Variants in RIT2 observed in about 807,000 individuals in gnomAD.
The protein encoded by RIT2 is GTP-binding protein Rit2.
In RIT2, 24 loss-of-function variants were observed where a neutral mutation model predicts 23.7. That is an observed-to-expected ratio of 1.01 (90% CI 0.73 to 1.43). The LOEUF is 1.43. Among genes scored for constraint, RIT2 ranks in the 40% most tolerant of loss-of-function variants. The pLI is 0.00. For missense variants in RIT2, 236 were observed against 266.9 expected, an observed-to-expected ratio of 0.88 and a Z score of 0.81; for synonymous variants, 107 against 91.1, an observed-to-expected ratio of 1.17 and a Z score of -0.99.
intron 4 of RIT2, among the ~76,000 whole-genome samples, chr18:42,767,829 A>T (rs1363485836): frequency 6.6e-6 from 1 of 152,084 alleles, no homozygotes; most frequent in South Asian, 2.1e-4. Flanking sequence ...GTCTCATAAG[A>T]TCTGATGGGT....
intron 1 of RIT2, among the ~76,000 whole-genome samples, chr18:43,100,064 C>A (rs541478024): frequency 6.6e-6 from 1 of 151,998 alleles, no homozygotes; most frequent in South Asian, 2.1e-4. Context: ...CCAACAATAA[C>A]TAGTAACATA....
At chr18:43,058,947 T>A (rs1912575402) in intron 1 of RIT2, among the ~76,000 whole-genome samples, 1 of 152,066 alleles carries the variant, frequency 6.6e-6, no homozygotes, top group Non-Finnish European at 1.5e-5. Context: ...CTATTACTAA[T>A]ATTGTTCCCT....
At chr18:42,935,764 T>C (rs1195398674) in intron 3 of RIT2, among the ~76,000 whole-genome samples, 1 of 151,992 alleles carries the variant, frequency 6.6e-6, no homozygotes, top group Non-Finnish European at 1.5e-5. Context: ...TTACTGAAGC[T>C]AGAGAACCCT....
intron 4 of RIT2, among the ~76,000 whole-genome samples, chr18:42,918,402 T>A (rs542100267): frequency 2.0e-5 from 3 of 152,210 alleles, no homozygotes; most frequent in East Asian, 1.9e-4. Context: ...TATTACAAAA[T>A]GCTATGGAAA....
At chr18:43,010,769 T>C (rs1250480220) in intron 2 of RIT2, among the ~76,000 whole-genome samples, 2 of 151,780 alleles carry the variant, frequency 1.3e-5, no homozygotes, top group African/African-American at 4.8e-5. Context: ...TGACTAATTT[T>C]TACAGGAATA....
At chr18:43,096,023 A>G (rs1913544134) in intron 1 of RIT2, among the ~76,000 whole-genome samples, 2 of 151,966 alleles carry the variant, frequency 1.3e-5, no homozygotes, top group Admixed American at 1.3e-4. Context: ...TAATAATTAG[A>G]AGAAAAAAAC....
chr18:42,940,039 G>C (rs1435502317), intron 3 of RIT2, among the ~76,000 whole-genome samples: 1 of 151,524 alleles, frequency 6.6e-6, no homozygotes, highest in Non-Finnish European at 1.5e-5. Context: ...AGCCAACACT[G>C]GTGTTTTAAT....
At chr18:42,954,287 GACTCA>G in intron 3 of RIT2, among the ~76,000 whole-genome samples, 2 of 149,018 alleles carry the variant, frequency 1.3e-5, no homozygotes, top group Admixed American at 1.4e-4. Context: ...TGAAGCAGGA[GACTCA>G]CTTGAACCTG....
intron 2 of RIT2, among the ~76,000 whole-genome samples, chr18:43,010,831 G>A (rs192096399): frequency 6.1e-4 from 93 of 151,878 alleles, no homozygotes; most frequent in East Asian, 1.2e-3. Context: ...ATATTTGTAC[G>A]TGTTCAACAT....
At chr18:43,015,700 C>T (rs1345015292) in intron 2 of RIT2, among the ~76,000 whole-genome samples, 1 of 151,570 alleles carries the variant, frequency 6.6e-6, no homozygotes, top group Admixed American at 6.6e-5. Context: ...GAATGAGTTT[C>T]CAAAAGCAGC....
At chr18:42,943,890 A>T (rs1909663859) in intron 3 of RIT2, among the ~76,000 whole-genome samples, 2 of 152,112 alleles carry the variant, frequency 1.3e-5, no homozygotes, top group Non-Finnish European at 2.9e-5. Context: ...AAATGTTGCC[A>T]GCTCTACCTT....
chr18:42,976,243 T>C (rs867848577), intron 2 of RIT2, among the ~76,000 whole-genome samples: 3 of 151,270 alleles, frequency 2.0e-5, no homozygotes, highest in Non-Finnish European at 4.4e-5. Flanking sequence ...TAAGAGAAAG[T>C]GAAGCAAGAG....
chr18:43,019,673 G>A (rs1911552411), intron 2 of RIT2, among the ~76,000 whole-genome samples: 1 of 152,026 alleles, frequency 6.6e-6, no homozygotes, highest in African/African-American at 2.4e-5. Flanking sequence ...CATAGTACTG[G>A]AGATCCTATC....
At chr18:43,010,873 A>T (rs1250527306) in intron 2 of RIT2, among the ~76,000 whole-genome samples, 1 of 151,818 alleles carries the variant, frequency 6.6e-6, no homozygotes. Flanking sequence ...TGGGATAACA[A>T]TTATTCTGTT....
At chr18:42,786,513 G>C (rs941777175) in intron 4 of RIT2, among the ~76,000 whole-genome samples, 5 of 152,094 alleles carry the variant, frequency 3.3e-5, no homozygotes, top group Non-Finnish European at 7.4e-5. Flanking sequence ...AAAACACAGA[G>C]ATACTGAAAT....
intron 3 of RIT2, among the ~76,000 whole-genome samples, chr18:42,967,463 G>A (rs1199874230): frequency 1.3e-5 from 2 of 151,456 alleles, no homozygotes; most frequent in East Asian, 1.9e-4. Flanking sequence ...TCCGCCTCCC[G>A]GGTTCATGCC....
At chr18:43,058,509 T>C (rs1445015363) in intron 1 of RIT2, among the ~76,000 whole-genome samples, 1 of 152,114 alleles carries the variant, frequency 6.6e-6, no homozygotes, top group Non-Finnish European at 1.5e-5. Context: ...TACGTCCTTG[T>C]GTGTGTATGT....
chr18:42,785,903 C>T (rs1310088395), intron 4 of RIT2, among the ~76,000 whole-genome samples: 2 of 152,134 alleles, frequency 1.3e-5, no homozygotes, highest in Non-Finnish European at 1.5e-5. Context: ...AATCTGTACA[C>T]AGTTTATCCT....
At chr18:43,054,207 G>A (rs745916396) in intron 1 of RIT2, among the ~76,000 whole-genome samples, 6 of 152,070 alleles carry the variant, frequency 3.9e-5, no homozygotes, top group Non-Finnish European at 7.4e-5. Flanking sequence ...AGCTGGGTCA[G>A]TATCAATATC....
Sources: allele counts gnomAD v4.1 joint callset (sites outside exome capture counted in the v4.1 genomes callset), GRCh38; gene constraint gnomAD v4.1.1; transcripts MANE v1.5; gene names NCBI Gene and HGNC (gene_info 2026-07-23, HGNC 2026-07-21).